Variants in MAPK4 observed in about 807,000 individuals in gnomAD.
MAPK4 encodes Erk3-related.
In MAPK4, 22 loss-of-function variants were observed where a neutral mutation model predicts 47.7. That is an observed-to-expected ratio of 0.46 (90% CI 0.33 to 0.66). MAPK4 has a LOEUF of 0.66. Among genes scored for constraint, MAPK4 ranks in the 30% least tolerant of loss-of-function variants. MAPK4 has a pLI of 0.02. For synonymous variants in MAPK4, 390 were observed against 365.7 expected, an observed-to-expected ratio of 1.07 and a Z score of -0.76; for missense variants, 736 against 831.7, an observed-to-expected ratio of 0.88 and a Z score of 1.42.
intron 1 of MAPK4, among the ~76,000 whole-genome samples, chr18:50,634,341 A>G (rs1214179854): frequency 6.6e-6 from 1 of 150,916 alleles, no homozygotes; most frequent in Non-Finnish European, 1.5e-5. Context: ...TTTCTGAAAA[A>G]TTGAGGAACG....
At chr18:50,574,156 T>G (rs970557623) in intron 1 of MAPK4, among the ~76,000 whole-genome samples, 2 of 152,246 alleles carry the variant, frequency 1.3e-5, no homozygotes, top group African/African-American at 4.8e-5. Context: ...CATTCTGTCT[T>G]GAATCATAGT....
chr18:50,596,248 A>G (rs2042480878), intron 1 of MAPK4, among the ~76,000 whole-genome samples: 1 of 152,174 alleles, frequency 6.6e-6, no homozygotes, highest in South Asian at 2.1e-4. Flanking sequence ...GGGTGCGGGT[A>G]GAGCTGGAGT....
intron 1 of MAPK4, among the ~76,000 whole-genome samples, chr18:50,637,407 G>A (rs1050060811): frequency 6.6e-6 from 1 of 152,144 alleles, no homozygotes; most frequent in Non-Finnish European, 1.5e-5. Context: ...CAAAGCCACT[G>A]AGCCAGGAAA....
chr18:50,729,841 A>T lies in MAPK4; in HGVS notation c.1751A>T (p.Lys584Ile). The change falls in exon 6 of 6, where the codon AAA becomes ATA. Residue 584 changes from lysine (K) to isoleucine (I), a missense_variant. Coordinates refer to ENST00000400384, the MANE Select transcript of MAPK4 (RefSeq NM_002747.4). ...CTCGTGCAGACCGAGGCCTTCTCCAAAGAAAGGTGGTGAGGGCGGAGGGGC... is the reference window on the plus strand; with the variant it reads ...CTCGTGCAGACCGAGGCCTTCTCCATAGAAAGGTGGTGAGGGCGGAGGGGC... ...GDLVQTEAFS[K>I]ERW 1 of 1,610,812 alleles carries T rather than the reference A, an allele frequency of 6.2e-7. No individual in the cohort carries two copies. The highest frequency in any genetic ancestry group is 8.5e-7 in the Non-Finnish European group (1 of 1,178,838).
At chr18:50,609,591 G>T (rs1191304512) in intron 1 of MAPK4, among the ~76,000 whole-genome samples, 1 of 152,128 alleles carries the variant, frequency 6.6e-6, no homozygotes, top group African/African-American at 2.4e-5. Flanking sequence ...TGATCATGAG[G>T]ATGTCAGGTA....
intron 1 of MAPK4, among the ~76,000 whole-genome samples, chr18:50,578,355 T>TAA (rs1339098620): frequency 6.6e-6 from 1 of 152,354 alleles, no homozygotes; most frequent in Non-Finnish European, 1.5e-5. Context: ...GAACACTTGT[T>TAA]AAACTACAGA....
intron 1 of MAPK4, among the ~76,000 whole-genome samples, chr18:50,648,471 G>T (rs2043012790): frequency 6.6e-6 from 1 of 152,166 alleles, no homozygotes; most frequent in African/African-American, 2.4e-5. Context: ...AGAATGAAAT[G>T]AATAGATATG....
At chr18:50,677,240 A>T (rs1908324372) in intron 2 of MAPK4, among the ~76,000 whole-genome samples, 1 of 152,214 alleles carries the variant, frequency 6.6e-6, no homozygotes, top group Non-Finnish European at 1.5e-5. Flanking sequence ...GGTGCCAAAA[A>T]GGTTGGGGAC....
chr18:50,635,517 G>A (rs73446402), intron 1 of MAPK4, among the ~76,000 whole-genome samples: 77 of 152,262 alleles, frequency 5.1e-4, no homozygotes, highest in African/African-American at 1.7e-3. Context: ...TCTCTGTAGC[G>A]TAGTCCAACC....
In MAPK4 at chr18:50,729,648, G is replaced by A; in HGVS notation, c.1558G>A (p.Ala520Thr). ...PADDPERRLS[A>T]SPPGRPAPVD... ...CGACGACCCCGAGCGCCGCTTGTCT[G>A]CCTCGCCCCCCGGCCGCCCGGCCCC... The change falls in exon 6 of 6, where the codon GCC (alanine) becomes ACC (threonine). Residue 520 changes from alanine (A) to threonine (T), a missense_variant. Ala to Thr is a moderately conservative substitution (Grantham distance 58). Transcript: ENST00000400384. The A allele has an allele frequency of 6.6e-7, 1 of 1,509,342 alleles. No homozygotes were observed. The allele number at this position is 1,509,342 out of a possible 1,614,324, so 93.5% of individuals were successfully genotyped here. A position where few individuals can be genotyped will look rare whatever the true frequency, so the allele number is the denominator to read the frequency against.
chr18:50,715,172 GC>G lies in MAPK4; in HGVS notation c.642del (p.Ala215ProfsTer33), dbSNP rs1255158277. ...CTACACCAAAGCCATCGACATGTGG[GC>G]CGCCGGCTGCATCCTGGCTGAGATG... ...NNYTKAIDMW[A>X]AGCILAEMLT... is the part of the protein sequence containing the mutation. On this transcript the variant is annotated frameshift_variant, in exon 3 of 6. Transcript: ENST00000400384. LOFTEE classifies it high-confidence loss of function. The G allele has an allele frequency of 6.2e-7, 1 of 1,614,088 alleles. No individual in the cohort carries two copies. Among genetic ancestry groups the G allele is most frequent in the Non-Finnish European group, 8.5e-7 (1 of 1,180,052 alleles).
chr18:50,728,848 G>A (rs1024238687), intron 5 of MAPK4, among the ~76,000 whole-genome samples: 4 of 152,226 alleles, frequency 2.6e-5, no homozygotes, highest in Admixed American at 2.6e-4. Context: ...CACGAGGACA[G>A]GGACGTTTGT....
intron 1 of MAPK4, among the ~76,000 whole-genome samples, chr18:50,618,482 A>G (rs555510496): frequency 1.3e-5 from 2 of 152,172 alleles, no homozygotes; most frequent in Non-Finnish European, 2.9e-5. Flanking sequence ...ACAGCTTTTA[A>G]AAAACAGTTC....
At chr18:50,712,557 A>AC (rs1298463717) in intron 2 of MAPK4, among the ~76,000 whole-genome samples, 3 of 150,860 alleles carry the variant, frequency 2.0e-5, no homozygotes, top group Non-Finnish European at 4.4e-5. Flanking sequence ...AAAAAAAAAA[A>AC]AGGAAGAGCT....
At position 50,706,978 on chromosome 18, in the gene MAPK4, G is replaced by A. The variant is rs569793697; in HGVS notation, c.547-8101G>A. On this transcript the variant is annotated intron_variant, in intron 2 of 5. Transcript: ENST00000400384. ...ATAATGTCCAAAGCTTTTATCAGAC[G>A]GTGAGCTCTAGCTGAATTAGAAGAC... 1.5e-4 allele frequency among the ~76,000 whole-genome samples: 23 copies of A among 152,272 alleles called. No individual in the cohort carries two copies. In the South Asian group the frequency reaches 2.1e-3, roughly 14 times the overall value.
Position 50,729,414 on chromosome 18 carries a change from C to T in MAPK4, c.1324C>T (p.Leu442=). ...VGSPSYLDKL[L]WRDNKPHHYS... Reference sequence around the variant, plus strand: ...GTCGCCGTCCTACCTGGACAAGCTGCTGTGGCGCGACAACAAGCCGCACCA... The same window carrying T: ...GTCGCCGTCCTACCTGGACAAGCTGTTGTGGCGCGACAACAAGCCGCACCA... Residue 442 remains leucine, a synonymous_variant, in exon 6 of 6, where the codon CTG becomes TTG. Transcript: ENST00000400384. 1 of 1,554,820 alleles carries T rather than the reference C, an allele frequency of 6.4e-7. No individual in the cohort carries two copies. The highest frequency in any genetic ancestry group is 8.7e-7 in the Non-Finnish European group (1 of 1,151,400).
intron 1 of MAPK4, among the ~76,000 whole-genome samples, chr18:50,628,828 TG>T (rs1358684241): frequency 6.6e-6 from 1 of 152,276 alleles, no homozygotes; most frequent in African/African-American, 2.4e-5. Flanking sequence ...CTGTTCTCTC[TG>T]GCCATGGTTT....
At chr18:50,609,431 C>T (rs2042613334) in intron 1 of MAPK4, among the ~76,000 whole-genome samples, 1 of 149,340 alleles carries the variant, frequency 6.7e-6, no homozygotes, top group African/African-American at 2.5e-5. Flanking sequence ...GATATGTCTT[C>T]TTCTTGGGCT....
chr18:50,672,772 C>T (rs928058423), intron 2 of MAPK4, among the ~76,000 whole-genome samples: 18 of 152,212 alleles, frequency 1.2e-4, no homozygotes, highest in Admixed American at 1.3e-4. Context: ...CCAGTTCACC[C>T]TTTATTGCTG....
Sources: gnomAD v4.1 joint callset for allele counts (sites outside exome capture counted in the v4.1 genomes callset) on GRCh38, gnomAD v4.1.1 for gene constraint, MANE v1.5 for transcripts, NCBI Gene and HGNC (gene_info 2026-07-23, HGNC 2026-07-21) for gene names.